IL10RB: variants seen among roughly 807,000 people sequenced by gnomAD.
IL10RB encodes the protein interleukin-10 receptor subunit beta.
IL10RB carries 30 observed loss-of-function variants against 38.7 expected under a neutral mutation model. That is an observed-to-expected ratio of 0.78 (90% confidence interval 0.58 to 1.05). IL10RB has a LOEUF of 1.05. Among genes scored for constraint, IL10RB ranks in the 50% least tolerant of loss-of-function variants. IL10RB has a pLI of 0.00. For missense variants in IL10RB, 328 were observed against 397.1 expected, an observed-to-expected ratio of 0.83 and a Z score of 1.48; for synonymous variants, 142 against 145.9, an observed-to-expected ratio of 0.97 and a Z score of 0.19.
At chr21:33,271,014 CT>C (rs373639046) in intron 2 of IL10RB, among the ~76,000 whole-genome samples, 8 of 152,298 alleles carry the variant, frequency 5.3e-5, no homozygotes, top group African/African-American at 1.9e-4. Flanking sequence ...AGGCACTTGG[CT>C]TTGCATGTTT....
At chr21:33,289,746 G>T (rs1339300410) in intron 6 of IL10RB, among the ~76,000 whole-genome samples, 2 of 152,122 alleles carry the variant, frequency 1.3e-5, no homozygotes, top group African/African-American at 4.8e-5. Flanking sequence ...ATGTCCCCTG[G>T]TAGAAATGCT....
At chr21:33,269,759 C>T (rs899311922) in intron 2 of IL10RB, among the ~76,000 whole-genome samples, 4 of 151,418 alleles carry the variant, frequency 2.6e-5, no homozygotes, top group African/African-American at 4.9e-5. Context: ...CTCGGGTTCA[C>T]GCCATTCTCC....
At chr21:33,285,798 T>G (rs1396654562) in intron 5 of IL10RB, among the ~76,000 whole-genome samples, 1 of 152,168 alleles carries the variant, frequency 6.6e-6, no homozygotes, top group African/African-American at 2.4e-5. Context: ...TGGAACTTTC[T>G]CAAGACCTGG....
chr21:33,271,720 TC>T lies in IL10RB; in HGVS notation c.173+3205del, dbSNP rs532204539. Among the ~76,000 whole-genome samples the T allele has an allele frequency of 1.9e-3, 274 of 148,014 alleles. 2 individuals carry two copies. Among genetic ancestry groups the T allele is most frequent in the African/African-American group, 6.8e-3 (271 of 39,956 alleles). On this transcript the variant is annotated intron_variant, in intron 2 of 6. Transcript: ENST00000290200. ...TCCAGCCTGGGTGACAGAGTGAGACTCCATCTCAAAAAAAAAAAAAACCTAG... is the reference window on the plus strand; with the variant it reads ...TCCAGCCTGGGTGACAGAGTGAGACTCATCTCAAAAAAAAAAAAAACCTAG...
chr21:33,288,393 A>G (rs1322689744), intron 6 of IL10RB, 132 bp downstream of exon 6: 4 of 701,604 alleles, frequency 5.7e-6, no homozygotes, highest in African/African-American at 1.8e-5. Flanking sequence ...ACACACACAC[A>G]CACACACACA....
At chr21:33,289,405 C>T (rs2123594743) in intron 6 of IL10RB, among the ~76,000 whole-genome samples, 1 of 150,086 alleles carries the variant, frequency 6.7e-6, no homozygotes, top group South Asian at 2.1e-4. Context: ...GTGTCGGGAC[C>T]ACAAAGGAAT....
chr21:33,267,016 G>A (rs1319305492), intron 1 of IL10RB, among the ~76,000 whole-genome samples: 4 of 151,960 alleles, frequency 2.6e-5, no homozygotes, highest in Non-Finnish European at 1.5e-5. Context: ...CCCTCCTTCC[G>A]GTTCAGGCCC....
exon 2 of IL10RB, chr21:33,309,712 G>A (rs1039480276): frequency 6.6e-6 from 1 of 152,234 alleles, no homozygotes; most frequent in African/African-American, 2.4e-5. Context: ...GCTTATGCAT[G>A]CTTTCTGCGT....
At chr21:33,302,204 C>T (rs1180669730), downstream of IL10RB, among the ~76,000 whole-genome samples, 1 of 152,222 alleles carries the variant, frequency 6.6e-6, no homozygotes, top group Non-Finnish European at 1.5e-5. Flanking sequence ...CAGGGTGAGG[C>T]ACTGTTCTAA....
chr21:33,271,367 G>A (rs1170571324), intron 2 of IL10RB, among the ~76,000 whole-genome samples: 1 of 152,172 alleles, frequency 6.6e-6, no homozygotes, highest in African/African-American at 2.4e-5. Context: ...ACAATTAGAT[G>A]TAAATATGAG....
At chr21:33,297,607 C>T (rs2082973193), downstream of IL10RB, among the ~76,000 whole-genome samples, 1 of 151,976 alleles carries the variant, frequency 6.6e-6, no homozygotes, top group African/African-American at 2.4e-5. Flanking sequence ...CACTTGGGCC[C>T]AGGAGTTGAG....
intron 6 of IL10RB, 120 bp downstream of exon 6, chr21:33,288,381 G>GCACACACA (rs59480844): frequency 3.6e-6 from 2 of 548,666 alleles, no homozygotes; most frequent in Non-Finnish European, 6.5e-6. Context: ...ACGCGCGCGC[G>GCACACACA]CACACACACA....
intron 1 of IL10RB, among the ~76,000 whole-genome samples, chr21:33,307,783 A>G (rs1367198242): frequency 6.6e-6 from 1 of 152,120 alleles, no homozygotes; most frequent in African/African-American, 2.4e-5. Flanking sequence ...TCTTCATAGT[A>G]TGTAGCATTA....
At chr21:33,293,630 G>A (rs980509745) in intron 6 of IL10RB, among the ~76,000 whole-genome samples, 6 of 152,276 alleles carry the variant, frequency 3.9e-5, no homozygotes, top group Admixed American at 3.3e-4. Context: ...AGACCAGCCT[G>A]GCCAACATGG....
intron 2 of IL10RB, among the ~76,000 whole-genome samples, chr21:33,274,819 C>G (rs760111598): frequency 3.9e-4 from 59 of 152,148 alleles, no homozygotes; most frequent in Non-Finnish European, 7.4e-4. Flanking sequence ...AAATGGTAAT[C>G]CAGTGTTGGC....
chr21:33,274,040 A>G (rs549555315), intron 2 of IL10RB, among the ~76,000 whole-genome samples: 117 of 152,278 alleles, frequency 7.7e-4, no homozygotes, highest in South Asian at 7.5e-3. Context: ...ACCTCCTCCT[A>G]TGAATCACCA....
At chr21:33,296,096 C>T in intron 6 of IL10RB, 88 bp from the exon 7 acceptor site, 1 of 890,886 alleles carries the variant, frequency 1.1e-6, no homozygotes, top group Non-Finnish European at 1.8e-6. Flanking sequence ...ATAGATTTTC[C>T]AGCCAGGAGT....
rs1440325763 is a variant in IL10RB, at chr21:33,296,200, A to T, written c.821A>T (p.His274Leu). Reference sequence around the variant, plus strand: ...CCTCCACAGTTTTTGGGCCATCCTCATCATAACACACTTCTGTTTTTCTCC... The same window carrying T: ...CCTCCACAGTTTTTGGGCCATCCTCTTCATAACACACTTCTGTTTTTCTCC... ...QHLKEFLGHP[H>L]HNTLLFFSFP... Residue 274 changes from histidine to leucine, a missense_variant, in exon 7 of 7, where the codon CAT (histidine) becomes CTT (leucine). By Grantham distance (99) the His-to-Leu change is moderately conservative. Coordinates refer to ENST00000290200, the MANE Select transcript of IL10RB (RefSeq NM_000628.5). 2 of 1,614,066 alleles carry T rather than the reference A, an allele frequency of 1.2e-6. No individual in the cohort carries two copies. The highest frequency in any genetic ancestry group is 3.3e-5 in the Admixed American group (2 of 60,030).
intron 1 of IL10RB, among the ~76,000 whole-genome samples, chr21:33,304,631 T>C (rs2082994339): frequency 6.6e-6 from 1 of 152,156 alleles, no homozygotes; most frequent in Admixed American, 6.5e-5. Flanking sequence ...GCATGCGCAC[T>C]CTCCTGGGGA....
Sources: allele counts gnomAD v4.1 joint callset (sites outside exome capture counted in the v4.1 genomes callset), GRCh38; gene constraint gnomAD v4.1.1; transcripts MANE v1.5; gene names NCBI Gene and HGNC (gene_info 2026-07-23, HGNC 2026-07-21).